Variants in MYRIP observed in about 807,000 individuals in gnomAD.
MYRIP encodes myosin VIIA and Rab interacting protein.
MYRIP carries 49 observed loss-of-function variants against 98.0 expected under a neutral mutation model. The ratio of observed to expected loss-of-function variants is 0.50; its 90% CI spans 0.40 to 0.63. The LOEUF (loss-of-function observed/expected upper bound fraction) is 0.63. Among genes scored for constraint, MYRIP ranks in the 30% least tolerant of loss-of-function variants. The pLI is 0.00. For synonymous variants in MYRIP, 404 were observed against 409.5 expected (o/e 0.99, Z 0.16); for missense variants, 1,004 against 1,058.2 (o/e 0.95, Z 0.71).
At chr3:39,891,765 T>C (rs1308432474) in intron 1 of MYRIP, among the ~76,000 whole-genome samples, 2 of 152,210 alleles carry the variant, frequency 1.3e-5, no homozygotes, top group Non-Finnish European at 2.9e-5. Flanking sequence ...ATGCCATCAA[T>C]AGGTTAACAT....
intron 2 of MYRIP, among the ~76,000 whole-genome samples, chr3:39,956,680 G>A (rs1405537961): frequency 6.7e-6 from 1 of 148,994 alleles, no homozygotes; most frequent in African/African-American, 2.6e-5. Flanking sequence ...ACTAAGATCA[G>A]AGCAGAACTG....
chr3:40,211,723 C>A (rs1212762554), intron 11 of MYRIP, among the ~76,000 whole-genome samples: 1 of 152,140 alleles, frequency 6.6e-6, no homozygotes, highest in Non-Finnish European at 1.5e-5. Context: ...TGCCTATGGT[C>A]CCAAGGCTCT....
chr3:40,169,930 T>G lies in MYRIP; in HGVS notation c.730-20T>G. 1 of 1,614,064 alleles carries G rather than the reference T, an allele frequency of 6.2e-7. No individual in the cohort carries two copies. Among genetic ancestry groups the G allele is most frequent in the African/African-American group, 1.3e-5 (1 of 75,048 alleles). ...AGGCCTCTCCAATAACTTGCCCCTTTTTTGTCCTCCCCTCCCCAGATTATA... is the reference window on the plus strand; with the variant it reads ...AGGCCTCTCCAATAACTTGCCCCTTGTTTGTCCTCCCCTCCCCAGATTATA... On this transcript the variant is annotated intron_variant, in intron 7 of 16. Transcript: ENST00000302541.
chr3:40,016,009 G>T (rs1360667253), intron 2 of MYRIP, among the ~76,000 whole-genome samples: 1 of 151,914 alleles, frequency 6.6e-6, no homozygotes, highest in East Asian at 1.9e-4. Context: ...TTGGGCAAAG[G>T]TGGCCATGCC....
At chr3:39,815,180 G>A (rs553582216) in intron 1 of MYRIP, among the ~76,000 whole-genome samples, 7 of 152,060 alleles carry the variant, frequency 4.6e-5, no homozygotes, top group South Asian at 2.1e-4. Context: ...ATCCCTCCAC[G>A]CACCCTGCCA....
chr3:39,980,488 A>G (rs142132946), intron 2 of MYRIP, among the ~76,000 whole-genome samples: 65 of 152,344 alleles, frequency 4.3e-4, no homozygotes, highest in Non-Finnish European at 8.5e-4. Flanking sequence ...TACAGATGCT[A>G]AGAGAACATA....
At chr3:39,987,374 A>G (rs1473828776) in intron 2 of MYRIP, among the ~76,000 whole-genome samples, 1 of 152,138 alleles carries the variant, frequency 6.6e-6, no homozygotes, top group Admixed American at 6.5e-5. Flanking sequence ...TCCATGGTGT[A>G]TATGTACCAC....
At chr3:39,953,333 G>C (rs1379679196) in intron 2 of MYRIP, among the ~76,000 whole-genome samples, 10 of 152,106 alleles carry the variant, frequency 6.6e-5, no homozygotes, top group Admixed American at 5.9e-4. Context: ...TCTTGAAATA[G>C]TTATTTTTGA....
chr3:40,179,345 CTATTTT>C (rs1243599924), intron 8 of MYRIP, among the ~76,000 whole-genome samples: 2 of 152,144 alleles, frequency 1.3e-5, no homozygotes, highest in Admixed American at 1.3e-4. Context: ...CTGAAATAGA[CTATTTT>C]TATAGCCTGG....
intron 13 of MYRIP, among the ~76,000 whole-genome samples, chr3:40,249,196 A>T (rs1374490165): frequency 6.6e-6 from 1 of 152,204 alleles, no homozygotes; most frequent in African/African-American, 2.4e-5. Context: ...CACATTGGCT[A>T]GGGTCTACCA....
At chr3:40,078,779 G>C (rs1948411141) in intron 3 of MYRIP, among the ~76,000 whole-genome samples, 1 of 152,178 alleles carries the variant, frequency 6.6e-6, no homozygotes, top group Non-Finnish European at 1.5e-5. Flanking sequence ...GTTCTGCCAA[G>C]AATTGGCTTG....
At chr3:40,127,176 T>C (rs1442922569) in intron 3 of MYRIP, among the ~76,000 whole-genome samples, 1 of 152,222 alleles carries the variant, frequency 6.6e-6, no homozygotes, top group African/African-American at 2.4e-5. Flanking sequence ...AGATTTTCTT[T>C]TTTCTAAGAT....
At chr3:40,209,075 C>T (rs1009556282) in intron 10 of MYRIP, 5 of 152,208 alleles carry the variant, frequency 3.3e-5, no homozygotes, top group Non-Finnish European at 7.3e-5. Flanking sequence ...TCGCTTGAGC[C>T]TAGGAGCTCT....
At chr3:39,938,824 C>T (rs1944716290) in intron 2 of MYRIP, among the ~76,000 whole-genome samples, 1 of 152,030 alleles carries the variant, frequency 6.6e-6, no homozygotes, top group Non-Finnish European at 1.5e-5. Context: ...TCACTTTAGC[C>T]ATTCTGATGG....
chr3:40,195,242 G>A (rs530537996), intron 10 of MYRIP, among the ~76,000 whole-genome samples: 17 of 152,240 alleles, frequency 1.1e-4, no homozygotes, highest in Admixed American at 2.6e-4. Context: ...AATCAGGAAC[G>A]TGACTGCTTT....
At position 40,244,708 on chromosome 3, in the gene MYRIP, C is replaced by T. The variant is rs1953133657; in HGVS notation, c.2262+101C>T. On this transcript the variant is annotated intron_variant, in intron 13 of 16. Coordinates refer to ENST00000302541, the MANE Select transcript of MYRIP (RefSeq NM_015460.4). ...TAAAGCCATTGTATCTATCAGCTCC[C>T]ATCATCTCCAGCATGTTTGCGTGGA... 2.3e-6 allele frequency: 3 copies of T among 1,278,068 alleles called. No individual in the cohort carries two copies. In the East Asian group the frequency reaches 8.1e-5, roughly 34 times the overall value. The allele number at this position is 1,278,068 out of a possible 1,614,324, so 79.2% of individuals were successfully genotyped here.
intron 2 of MYRIP, among the ~76,000 whole-genome samples, chr3:39,974,584 C>T (rs1212739715): frequency 6.6e-6 from 1 of 152,120 alleles, no homozygotes; most frequent in Non-Finnish European, 1.5e-5. Flanking sequence ...CAAAGCCTGG[C>T]AGAGACACAC....
At chr3:39,995,032 A>T (rs1258121326) in intron 2 of MYRIP, among the ~76,000 whole-genome samples, 2 of 152,226 alleles carry the variant, frequency 1.3e-5, no homozygotes, top group Non-Finnish European at 2.9e-5. Flanking sequence ...CCAAAACCCC[A>T]TCTGTAAGTC....
intron 2 of MYRIP, among the ~76,000 whole-genome samples, chr3:39,966,536 A>C (rs1032615904): frequency 1.3e-5 from 2 of 152,194 alleles, no homozygotes; most frequent in Non-Finnish European, 2.9e-5. Flanking sequence ...TGGAGGGGTA[A>C]ACCAAAAGTT....
Sources: allele counts gnomAD v4.1 joint callset (sites outside exome capture counted in the v4.1 genomes callset), GRCh38; gene constraint gnomAD v4.1.1; transcripts MANE v1.5; gene names NCBI Gene and HGNC (gene_info 2026-07-23, HGNC 2026-07-21).